Variants in ADAMTS6 observed in about 807,000 individuals in gnomAD.
ADAMTS6 encodes ADAM metallopeptidase with thrombospondin type 1 motif 6, also known as A disintegrin and metalloproteinase with thrombospondin motifs 6.
A neutral mutation model predicts 144.3 loss-of-function variants in ADAMTS6; 23 were observed. That is an observed-to-expected ratio of 0.16 (90% confidence interval 0.11 to 0.23). The LOEUF is 0.23. Among genes scored for constraint, ADAMTS6 ranks in the 10% least tolerant of loss-of-function variants. ADAMTS6 has a pLI of 1.00. For synonymous variants in ADAMTS6, 444 were observed against 457.5 expected (o/e 0.97, Z 0.38); for missense variants, 999 against 1,379.6 (o/e 0.72, Z 4.37).
At chr5:65,392,088 T>A (rs939815959) in intron 7 of ADAMTS6, among the ~76,000 whole-genome samples, 1 of 152,154 alleles carries the variant, frequency 6.6e-6, no homozygotes, top group Non-Finnish European at 1.5e-5. Context: ...TAATAAAAAA[T>A]TCCTCATTTT....
intron 7 of ADAMTS6, among the ~76,000 whole-genome samples, chr5:65,411,303 C>G (rs1263580599): frequency 6.6e-6 from 1 of 152,136 alleles, no homozygotes; most frequent in Admixed American, 6.6e-5. Context: ...GGATATGTAC[C>G]TAGCAGTGGG....
chr5:65,446,946 A>C (rs1241919764), intron 7 of ADAMTS6, among the ~76,000 whole-genome samples: 2 of 152,126 alleles, frequency 1.3e-5, no homozygotes, highest in Non-Finnish European at 2.9e-5. Context: ...TAAATGGGTA[A>C]ATTGTATGGT....
intron 7 of ADAMTS6, among the ~76,000 whole-genome samples, chr5:65,427,393 T>A (rs1756631234): frequency 6.6e-6 from 1 of 152,066 alleles, no homozygotes. Context: ...AGCCTCAAAC[T>A]CCCGGCCTCA....
At chr5:65,419,736 CA>C (rs1285503621) in intron 7 of ADAMTS6, among the ~76,000 whole-genome samples, 2 of 152,088 alleles carry the variant, frequency 1.3e-5, no homozygotes, top group Non-Finnish European at 2.9e-5. Context: ...AGGTCAAACA[CA>C]AAAGGCCACA....
chr5:65,159,721 G>A (rs1268448317), intron 24 of ADAMTS6, among the ~76,000 whole-genome samples: 1 of 152,186 alleles, frequency 6.6e-6, no homozygotes, highest in Non-Finnish European at 1.5e-5. Context: ...TGAGAACAGG[G>A]AACCTGTTGT....
rs144685293 is a variant in ADAMTS6, at chr5:65,246,472, T to C, written c.1831-4266A>G. ...TCTGCTTTCGTGGAGTTTACTCTAG[T>C]TGGAGATGAGAAAGAAGAAAAATAA... On this transcript the variant is annotated intron_variant, in intron 14 of 24. Transcript: ENST00000381055. Among the ~76,000 whole-genome samples, 323 of 152,160 alleles carry C rather than the reference T, an allele frequency of 2.1e-3. 2 individuals are homozygous for C. The highest frequency in any genetic ancestry group is 7.3e-3 in the African/African-American group (305 of 41,526).
intron 7 of ADAMTS6, among the ~76,000 whole-genome samples, chr5:65,358,338 T>C (rs1749529034): frequency 6.6e-6 from 1 of 151,934 alleles, no homozygotes; most frequent in African/African-American, 2.4e-5. Context: ...AGATCCTATA[T>C]GACAAGCCCA....
chr5:65,154,285 G>C (rs1752288706), intron 24 of ADAMTS6, among the ~76,000 whole-genome samples: 1 of 152,158 alleles, frequency 6.6e-6, no homozygotes, highest in African/African-American at 2.4e-5. Flanking sequence ...CTAGAAATAA[G>C]ACTCTTCTCT....
chr5:65,167,659 G>C (rs1753274842), intron 24 of ADAMTS6, among the ~76,000 whole-genome samples: 1 of 127,678 alleles, frequency 7.8e-6, no homozygotes, highest in African/African-American at 3.0e-5. Context: ...ACCGAATCCA[G>C]CAGCACATCA....
chr5:65,343,765 C>T (rs1328630297), intron 7 of ADAMTS6, among the ~76,000 whole-genome samples: 3 of 152,142 alleles, frequency 2.0e-5, no homozygotes, highest in African/African-American at 7.2e-5. Context: ...TGCCAACCTA[C>T]ACAATGGGAG....
intron 8 of ADAMTS6, 107 bp downstream of exon 8, chr5:65,333,935 A>C: frequency 8.5e-7 from 1 of 1,179,212 alleles, no homozygotes; most frequent in Non-Finnish European, 1.1e-6. Context: ...AAAATGACCA[A>C]ATTAATAATA....
chr5:65,294,384 A>G (rs1403060392), intron 10 of ADAMTS6, among the ~76,000 whole-genome samples: 2 of 152,032 alleles, frequency 1.3e-5, no homozygotes, highest in African/African-American at 4.8e-5. Flanking sequence ...TAATTTTTGT[A>G]TCTTTTGTAG....
At chr5:65,300,494 T>C (rs1020552590) in intron 9 of ADAMTS6, among the ~76,000 whole-genome samples, 7 of 152,220 alleles carry the variant, frequency 4.6e-5, no homozygotes, top group Non-Finnish European at 8.8e-5. Flanking sequence ...AGTGTTGGAA[T>C]TGTTAGCAGA....
intron 4 of ADAMTS6, among the ~76,000 whole-genome samples, chr5:65,457,470 G>C (rs1025247719): frequency 8.5e-5 from 13 of 152,130 alleles, no homozygotes; most frequent in Non-Finnish European, 1.9e-4. Flanking sequence ...CATAAGAATG[G>C]ATTGGAGAAG....
intron 24 of ADAMTS6, among the ~76,000 whole-genome samples, chr5:65,156,969 G>A (rs1442456527): frequency 6.6e-6 from 1 of 152,176 alleles, no homozygotes; most frequent in Non-Finnish European, 1.5e-5. Context: ...CTCCACCCCT[G>A]AAAGAAAAGT....
chr5:65,449,363 C>T (rs1292804713), intron 7 of ADAMTS6, among the ~76,000 whole-genome samples: 1 of 151,942 alleles, frequency 6.6e-6, no homozygotes, highest in African/African-American at 2.4e-5. Context: ...CGCCTGTAAT[C>T]CCCAGCACTT....
At chr5:65,194,429 C>T (rs1035545766) in intron 21 of ADAMTS6, among the ~76,000 whole-genome samples, 1 of 152,136 alleles carries the variant, frequency 6.6e-6, no homozygotes, top group Non-Finnish European at 1.5e-5. Context: ...GATGATTTTG[C>T]CCAATGGTAG....
Position 65,291,430 on chromosome 5 carries a change from G to T in ADAMTS6, c.1411C>A (p.Arg471Ser). ...GTCLDNEPPK[R>S]DFLYPAVAPG... ...GCCACAGCTGGATAAAGAAAGTCAC[G>T]CTTGGGAGGCTCATTATCAAGGCAA... The change falls in exon 11 of 25, where the codon CGT becomes AGT. Residue 471 changes from arginine to serine, a missense_variant. Arg to Ser is a moderately radical substitution (Grantham distance 110). Around this residue, in one of 3 missense-constraint regions of ADAMTS6, gnomAD observed 619 missense variants for 837.0 expected, o/e 0.74. Transcript: ENST00000381055. 6.2e-7 allele frequency: 1 copy of T among 1,613,838 alleles called. No homozygotes were observed. The highest frequency in any genetic ancestry group is 8.5e-7 in the Non-Finnish European group (1 of 1,179,856).
In ADAMTS6 at chr5:65,188,224, C is replaced by A. The variant is rs752167474; in HGVS notation, c.2706-4G>T. The A allele has an allele frequency of 1.9e-6, 3 of 1,613,254 alleles. No homozygotes were observed. In the East Asian group the frequency reaches 6.7e-5, roughly 36 times the overall value. ...CAACCAATCCCCAATGAACCACCTG[C>A]AGCAAGACATGGAAGAAACACAGAA... On this transcript the variant is annotated splice_polypyrimidine_tract_variant and splice_region_variant and intron_variant, in intron 21 of 24. Transcript: ENST00000381055.
Sources: gnomAD v4.1 joint callset for allele counts (sites outside exome capture counted in the v4.1 genomes callset) on GRCh38, gnomAD v4.1.1 for gene constraint, gnomAD v4.1.1 regional missense constraint, MANE v1.5 for transcripts, NCBI Gene and HGNC (gene_info 2026-07-23, HGNC 2026-07-21) for gene names.